Variants in MARK3 observed in about 807,000 individuals in gnomAD.
MARK3 encodes the protein MAP/microtubule affinity-regulating kinase 3.
MARK3 carries 46 observed loss-of-function variants against 90.1 expected under a neutral mutation model. That is an observed-to-expected ratio of 0.51 (90% confidence interval 0.40 to 0.65). The LOEUF (loss-of-function observed/expected upper bound fraction) is 0.65, where lower values mean the gene tolerates loss of function less well. MARK3 is among the 30% of genes least tolerant of loss of function. MARK3 has a pLI of 0.00. For missense variants in MARK3, 818 were observed against 947.2 expected (o/e 0.86, Z 1.79); for synonymous variants, 321 against 332.6 (o/e 0.97, Z 0.38).
At position 103,478,604 on chromosome 14, in the gene MARK3, A is replaced by G. The variant is rs183065798; in HGVS notation, c.1483-1783A>G. Among the ~76,000 whole-genome samples, 68 of 147,842 alleles carry G rather than the reference A, an allele frequency of 4.6e-4. 1 individual carries two copies. In the Middle Eastern group the frequency reaches 0.01, roughly 22 times the overall value. On this transcript the variant is annotated intron_variant, in intron 13 of 17. Transcript: ENST00000429436. ...CTGTTGCCCAGAGTGCAATGGCACG[A>G]TCTTGGCTCACTGCAAACTCCACCT...
intron 1 of MARK3, among the ~76,000 whole-genome samples, chr14:103,386,762 G>C (rs1388153804): frequency 2.0e-5 from 3 of 152,202 alleles, no homozygotes; most frequent in Non-Finnish European, 2.9e-5. Flanking sequence ...AGGGACACCC[G>C]CTGGGGGCTT....
At chr14:103,449,106 C>A in intron 4 of MARK3, 139 bp downstream of exon 4, 1 of 1,026,786 alleles carries the variant, frequency 9.7e-7, no homozygotes, top group Non-Finnish European at 1.4e-6. Context: ...TTTGTATTAG[C>A]TTTTTGAAAT....
Position 103,475,246 on chromosome 14 carries a change from G to A in MARK3, c.1482+36G>A, listed in dbSNP as rs565319499. On this transcript the variant is annotated intron_variant, in intron 13 of 17. Transcript: ENST00000429436. ...TTGAACTATAGAGTGGTCTTAGGGT[G>A]GTAGGGTTGGAACCAGCTAGACACC... is the stretch of plus-strand genomic sequence containing the variant. The A allele has an allele frequency of 2.2e-5, 35 of 1,585,816 alleles. 1 individual carries two copies. In the East Asian group the frequency reaches 6.9e-4, roughly 31 times the overall value.
chr14:103,475,757 C>A lies in MARK3; in HGVS notation c.1482+547C>A, dbSNP rs564736397. Reference sequence around the variant, plus strand: ...GTCAGGAGTTCAAGACCAGCCTGGCCAAGATGGTGAAACGCCATCTCTACT... The same window carrying A: ...GTCAGGAGTTCAAGACCAGCCTGGCAAAGATGGTGAAACGCCATCTCTACT... On this transcript the variant is annotated intron_variant, in intron 13 of 17. Transcript: ENST00000429436. 8.6e-4 allele frequency among the ~76,000 whole-genome samples: 131 copies of A among 152,202 alleles called. 1 individual carries two copies. Among genetic ancestry groups the A allele is most frequent in the African/African-American group, 3.0e-3 (126 of 41,530 alleles).
intron 2 of MARK3, among the ~76,000 whole-genome samples, chr14:103,408,640 G>T (rs2091453829): frequency 6.6e-6 from 1 of 152,138 alleles, no homozygotes; most frequent in African/African-American, 2.4e-5. Context: ...CATGAGCCCT[G>T]GGTCTGTCAT....
intron 1 of MARK3, among the ~76,000 whole-genome samples, chr14:103,402,424 G>A (rs771289075): frequency 3.3e-5 from 5 of 152,030 alleles, no homozygotes; most frequent in South Asian, 4.2e-4. Flanking sequence ...ATGGTGGCGC[G>A]CACCTGAGTC....
chr14:103,393,313 C>G (rs2090382781), intron 1 of MARK3, among the ~76,000 whole-genome samples: 1 of 152,170 alleles, frequency 6.6e-6, no homozygotes, highest in African/African-American at 2.4e-5. Flanking sequence ...CTTCTAAGCA[C>G]AACCTGTTGA....
chr14:103,453,214 G>A (rs568877118), intron 5 of MARK3, among the ~76,000 whole-genome samples: 1 of 152,280 alleles, frequency 6.6e-6, no homozygotes, highest in East Asian at 1.9e-4. Flanking sequence ...GGCTGGGTTT[G>A]TAGTTTGCGA....
chr14:103,444,800 T>C (rs954752532), intron 3 of MARK3, among the ~76,000 whole-genome samples: 5 of 151,920 alleles, frequency 3.3e-5, no homozygotes, highest in Non-Finnish European at 7.4e-5. Context: ...AGAAATAAGG[T>C]GAGTTTCTCT....
chr14:103,423,545 G>A (rs1159140057), intron 2 of MARK3, among the ~76,000 whole-genome samples: 1 of 152,132 alleles, frequency 6.6e-6, no homozygotes, highest in Non-Finnish European at 1.5e-5. Context: ...TAAAGGGGTG[G>A]TCTTCTCTCC....
intron 7 of MARK3, among the ~76,000 whole-genome samples, chr14:103,464,444 G>A (rs1361894383): frequency 5.9e-5 from 9 of 151,578 alleles, no homozygotes; most frequent in Non-Finnish European, 8.8e-5. Flanking sequence ...GATTACAGGC[G>A]CCCACCACCA....
intron 14 of MARK3, among the ~76,000 whole-genome samples, chr14:103,481,592 C>T (rs1027889183): frequency 5.3e-5 from 8 of 151,480 alleles, no homozygotes; most frequent in Non-Finnish European, 1.0e-4. Flanking sequence ...GGTTATTATT[C>T]GTTGAATTTT....
At chr14:103,401,336 A>G (rs949212440) in intron 1 of MARK3, among the ~76,000 whole-genome samples, 2 of 152,264 alleles carry the variant, frequency 1.3e-5, no homozygotes, top group African/African-American at 2.4e-5. Context: ...AGGAAATACA[A>G]GTTTCTTTCT....
At chr14:103,412,781 A>G (rs1317407757) in intron 2 of MARK3, 1 of 465,228 alleles carries the variant, frequency 2.1e-6, no homozygotes. Context: ...TGCCACGCTA[A>G]CCAGAAAAGA....
At chr14:103,488,459 G>A (rs576842564) in intron 14 of MARK3, among the ~76,000 whole-genome samples, 15 of 152,304 alleles carry the variant, frequency 9.8e-5, no homozygotes, top group African/African-American at 2.9e-4. Flanking sequence ...GCAGAAATAC[G>A]AAACTGGATA....
chr14:103,462,058 C>T (rs2093412873), intron 6 of MARK3, among the ~76,000 whole-genome samples: 4 of 150,392 alleles, frequency 2.7e-5, no homozygotes, highest in Non-Finnish European at 5.9e-5. Context: ...AAAAAAGTTG[C>T]ACCAGAGCCA....
chr14:103,477,606 G>T (rs1345013499), intron 13 of MARK3, among the ~76,000 whole-genome samples: 1 of 152,178 alleles, frequency 6.6e-6, no homozygotes, highest in African/African-American at 2.4e-5. Context: ...TTTAAAGTGG[G>T]CAATGCGGTG....
At position 103,480,360 on chromosome 14, in the gene MARK3, TTAAGA is replaced by T. The variant is rs761011798; in HGVS notation, c.1483-26_1483-22del. On this transcript the variant is annotated intron_variant, in intron 13 of 17. Transcript: ENST00000429436. ...ATTGTACTGTATTTACCAAATAAATTTAAGACAAAAATGCCCTTTTTTATAGAGTA... is the reference window on the plus strand; with the variant it reads ...ATTGTACTGTATTTACCAAATAAATTCAAAAATGCCCTTTTTTATAGAGTA... 3.6e-6 allele frequency: 5 copies of T among 1,388,448 alleles called. No homozygotes were observed. In the African/African-American group the frequency reaches 7.1e-5, roughly 20 times the overall value. The allele number at this position is 1,388,448 out of a possible 1,614,324, so 86.0% of individuals were successfully genotyped here. A position where few individuals can be genotyped will look rare whatever the true frequency, so the allele number is the denominator to read the frequency against.
intron 14 of MARK3, among the ~76,000 whole-genome samples, chr14:103,481,757 C>CTTTTTTTT (rs71126030): frequency 0.093 from 4,650 of 49,820 alleles, 1,390 homozygotes; most frequent in Non-Finnish European, 0.12. Context: ...ATAGGTATTT[C>CTTTTTTTT]TTTTTTTTTT....
Sources: allele counts gnomAD v4.1 joint callset (sites outside exome capture counted in the v4.1 genomes callset), GRCh38; gene constraint gnomAD v4.1.1; transcripts MANE v1.5; gene names NCBI Gene and HGNC (gene_info 2026-07-23, HGNC 2026-07-21).